Variants in HNRNPLL observed in about 807,000 individuals in gnomAD.
The protein encoded by HNRNPLL is heterogeneous nuclear ribonucleoprotein L-like.
In HNRNPLL, 25 loss-of-function variants were observed where a neutral mutation model predicts 67.1. The observed-to-expected ratio is 0.37, with a 90% confidence interval of 0.27 to 0.52. The LOEUF (loss-of-function observed/expected upper bound fraction) is 0.52, where lower values mean the gene tolerates loss of function less well. Ranked by LOEUF, HNRNPLL falls within the 20% of genes least tolerant of loss-of-function variation. The pLI is 0.90. For missense variants in HNRNPLL, 542 were observed against 673.9 expected (o/e 0.80, Z 2.17); for synonymous variants, 267 against 241.7 (o/e 1.10, Z -0.97).
intron 1 of HNRNPLL, among the ~76,000 whole-genome samples, chr2:38,593,615 C>G (rs1015341295): frequency 1.3e-5 from 2 of 152,116 alleles, no homozygotes; most frequent in African/African-American, 2.4e-5. Flanking sequence ...CTGGGCCAGA[C>G]GTGGTGGCTC....
intron 3 of HNRNPLL, among the ~76,000 whole-genome samples, chr2:38,584,593 TTAA>T (rs1275496609): frequency 7.2e-5 from 11 of 152,212 alleles, no homozygotes; most frequent in African/African-American, 1.4e-4. Flanking sequence ...ACTGAAATGT[TTAA>T]TATTATAATC....
Position 38,568,201 on chromosome 2 carries a change from G to A in HNRNPLL, c.1571C>T (p.Pro524Leu), listed in dbSNP as rs780103102. The change falls in exon 12 of 13, where the codon CCG becomes CTG. Residue 524 changes from proline to leucine, a missense_variant and splice_region_variant. Physicochemically the swap from Pro to Leu is moderately conservative, Grantham distance 98. Transcript: ENST00000449105. ...CACAAATAAAGCATTTTACTTACTCGGCACTCTTATCTGATAGTGATTCAG... is the reference window on the plus strand; with the variant it reads ...CACAAATAAAGCATTTTACTTACTCAGCACTCTTATCTGATAGTGATTCAG... ...TALNHYQIRV[P>L]NGSNPYTLKL... 8 of 1,595,746 alleles carry A rather than the reference G, an allele frequency of 5.0e-6. No homozygotes were observed. The African/African-American group carries it at 5.4e-5, about 11-fold the overall frequency.
chr2:38,583,929 A>G lies in HNRNPLL; in HGVS notation c.547-3T>C, dbSNP rs201689945. The G allele has an allele frequency of 2.4e-4, 333 of 1,365,268 alleles. 1 individual carries two copies. Among genetic ancestry groups the G allele is most frequent in the Non-Finnish European group, 3.3e-4 (329 of 995,448 alleles). 84.6% of individuals were successfully genotyped at this position (1,365,268 alleles called of 1,614,324 possible). On this transcript the variant is annotated splice_region_variant and splice_polypyrimidine_tract_variant and intron_variant, in intron 3 of 12. Transcript: ENST00000449105. ...TTGCATACAGTATATAAAACATCCT[A>G]TGAAGGAAAAGAAAAAGATTTCTTC... is the stretch of plus-strand genomic sequence containing the variant.
intron 2 of HNRNPLL, among the ~76,000 whole-genome samples, chr2:38,589,035 A>T (rs78876132): frequency 0.01 from 1,573 of 152,324 alleles, 28 homozygotes; most frequent in African/African-American, 0.035. Flanking sequence ...GTGTCCTCCC[A>T]AATGTTGTAT....
At chr2:38,564,791 TA>T (rs1665793450) in intron 12 of HNRNPLL, among the ~76,000 whole-genome samples, 1 of 151,930 alleles carries the variant, frequency 6.6e-6, no homozygotes, top group South Asian at 2.1e-4. Flanking sequence ...CATTAAAGAA[TA>T]AATAGTATCA....
intron 2 of HNRNPLL, among the ~76,000 whole-genome samples, chr2:38,588,195 A>T (rs577131830): frequency 6.6e-6 from 1 of 152,326 alleles, no homozygotes; most frequent in South Asian, 2.1e-4. Flanking sequence ...ATACAGGTAC[A>T]GAAGTAAATT....
intron 1 of HNRNPLL, chr2:38,600,015 G>A (rs564663150): frequency 2.2e-4 from 96 of 429,584 alleles, no homozygotes; most frequent in Non-Finnish European, 3.6e-4. Context: ...GAACGAAGAA[G>A]CACAAGACAG....
intron 1 of HNRNPLL, among the ~76,000 whole-genome samples, chr2:38,599,545 G>C (rs749190522): frequency 6.6e-6 from 1 of 152,160 alleles, no homozygotes; most frequent in Non-Finnish European, 1.5e-5. Flanking sequence ...GCAGCTCAGT[G>C]AATGTGAAAA....
chr2:38,574,625 T>C (rs961644190), intron 7 of HNRNPLL, among the ~76,000 whole-genome samples: 2 of 151,796 alleles, frequency 1.3e-5, no homozygotes, highest in Non-Finnish European at 2.9e-5. Context: ...CTCCAATTTT[T>C]GGTATTCTAA....
chr2:38,586,160 T>C (rs1666723403), intron 2 of HNRNPLL, among the ~76,000 whole-genome samples: 1 of 152,126 alleles, frequency 6.6e-6, no homozygotes, highest in South Asian at 2.1e-4. Flanking sequence ...TATCTGGGAC[T>C]ACAGGTGCCC....
chr2:38,587,836 A>T (rs1666794158), intron 2 of HNRNPLL, among the ~76,000 whole-genome samples: 1 of 152,136 alleles, frequency 6.6e-6, no homozygotes, highest in Non-Finnish European at 1.5e-5. Flanking sequence ...GCCTAGTAGG[A>T]GGTGATTGGC....
Position 38,585,813 on chromosome 2 carries a change from T to C in HNRNPLL, c.377A>G (p.Glu126Gly). ...VEFENIDSAKECVTFAADEPV... is the reference protein window; with the variant it reads ...VEFENIDSAKGCVTFAADEPV... The stretch of plus-strand genomic sequence containing the variant: ...TTCATCTGCAGCAAATGTCACACAT[T>C]CTTTGGCACTATCTATGTTTTCAAA... Residue 126 changes from glutamate to glycine, a missense_variant, in exon 3 of 13, where the codon GAA becomes GGA. By Grantham distance (98) the Glu-to-Gly change is moderately conservative. This residue lies in a region of HNRNPLL where 415 missense variants were observed against 575.2 expected (regional missense o/e 0.72). Transcript: ENST00000449105. The C allele has an allele frequency of 6.2e-7, 1 of 1,614,116 alleles. No homozygotes were observed. The highest frequency in any genetic ancestry group is 8.5e-7 in the Non-Finnish European group (1 of 1,179,960).
chr2:38,568,508 A>G (rs991057430), intron 10 of HNRNPLL, 65 bp from the exon 11 acceptor site: 1 of 1,074,090 alleles, frequency 9.3e-7, no homozygotes, highest in Non-Finnish European at 1.4e-6. Flanking sequence ...TTTTACAGAA[A>G]GTAAACTTTA....
At chr2:38,581,379 T>G (rs1666524999) in intron 6 of HNRNPLL, 1 of 155,986 alleles carries the variant, frequency 6.4e-6, no homozygotes, top group Non-Finnish European at 1.4e-5. Context: ...GAAGTACTGT[T>G]AAGTGTCCTC....
intron 2 of HNRNPLL, among the ~76,000 whole-genome samples, chr2:38,590,523 A>G (rs1162473891): frequency 6.6e-6 from 1 of 152,228 alleles, no homozygotes; most frequent in Non-Finnish European, 1.5e-5. Flanking sequence ...TATACTAAGA[A>G]AAGAACAACA....
chr2:38,591,781 G>A, intron 1 of HNRNPLL, 133 bp from the exon 2 acceptor site: 1 of 521,494 alleles, frequency 1.9e-6, no homozygotes, highest in Non-Finnish European at 3.5e-6. Context: ...TTCGAGACCA[G>A]CCTGGCCAAC....
At chr2:38,572,873 G>C (rs1197824307) in intron 8 of HNRNPLL, among the ~76,000 whole-genome samples, 1 of 151,936 alleles carries the variant, frequency 6.6e-6, no homozygotes, top group Non-Finnish European at 1.5e-5. Flanking sequence ...GAAAGTAACT[G>C]CTCTTTCAAC....
At chr2:38,599,939 T>C (rs750495661) in intron 1 of HNRNPLL, 5 of 470,674 alleles carry the variant, frequency 1.1e-5, no homozygotes, top group South Asian at 7.8e-5. Context: ...GTATTTCTTC[T>C]CTGGGCTGAA....
At chr2:38,565,681 A>G (rs1295081392) in intron 12 of HNRNPLL, among the ~76,000 whole-genome samples, 1 of 134,486 alleles carries the variant, frequency 7.4e-6, no homozygotes, top group Non-Finnish European at 1.6e-5. Context: ...GTGGGCTGTG[A>G]TTGCACCACT....
Sources: allele counts gnomAD v4.1 joint callset (sites outside exome capture counted in the v4.1 genomes callset), GRCh38; gene constraint gnomAD v4.1.1; regional missense constraint gnomAD v4.1.1; transcripts MANE v1.5; gene names NCBI Gene and HGNC (gene_info 2026-07-23, HGNC 2026-07-21).